The following DNMT1 variants were observed in gnomAD, a reference collection of about 807,000 sequenced individuals.
DNMT1 encodes the protein DNA (cytosine-5)-methyltransferase 1.
A neutral mutation model predicts 205.3 loss-of-function variants in DNMT1; 24 were observed. The observed-to-expected ratio is 0.12, with a 90% CI of 0.08 to 0.16. The LOEUF (loss-of-function observed/expected upper bound fraction) is 0.16. DNMT1 is among the 10% of genes least tolerant of loss of function. The pLI, the probability that DNMT1 is intolerant of heterozygous loss-of-function variation, is 1.00. For missense variants in DNMT1, 1,293 were observed against 2,177.7 expected (o/e 0.59, Z 8.09); for synonymous variants, 817 against 839.8 (o/e 0.97, Z 0.47).
At chr19:10,148,058 G>A (rs2038237125) in intron 27 of DNMT1, among the ~76,000 whole-genome samples, 1 of 146,940 alleles carries the variant, frequency 6.8e-6, no homozygotes. Context: ...AGAGGTTGCG[G>A]TGGGCCAAGA....
At position 10,148,902 on chromosome 19, in the gene DNMT1, G is replaced by C. The variant is rs1262319814; in HGVS notation, c.2702C>G (p.Thr901Arg). Residue 901 changes from threonine (T) to arginine (R), a missense_variant, in exon 27 of 41, where the codon ACA becomes AGA. By Grantham distance (71) the Thr-to-Arg change is moderately conservative. Transcript: ENST00000359526. The stretch of plus-strand genomic sequence containing the variant: ...TGCTCACTTGAACTTGTTGTCCTCT[G>C]TTGGCTGGGTTTTTGGAGGGGACTC... The part of the protein sequence containing the change: ...RFESPPKTQP[T>R]EDNKFKFCVS... 6.2e-7 allele frequency: 1 copy of C among 1,614,192 alleles called. No homozygotes were observed. The highest frequency in any genetic ancestry group is 1.7e-5 in the Admixed American group (1 of 60,018).
intron 1 of DNMT1, among the ~76,000 whole-genome samples, chr19:10,189,418 G>A (rs986103018): frequency 2.7e-5 from 4 of 147,408 alleles, no homozygotes; most frequent in African/African-American, 1.0e-4. Flanking sequence ...ACCACGCCCA[G>A]CTGATTTTTT....
chr19:10,137,445 C>A lies in DNMT1; in HGVS notation c.4294-165G>T. The A allele has an allele frequency of 1.2e-6, 1 of 854,798 alleles. No individual in the cohort carries two copies. The highest frequency in any genetic ancestry group is 1.8e-6 in the Non-Finnish European group (1 of 553,168). 53.0% of individuals were successfully genotyped at this position (854,798 alleles called of 1,614,324 possible). ...TATCGCACTTGGCTCGAGGCCACGG[C>A]AGGGACCTGAGGCAGCGCAGGTGTA... On this transcript the variant is annotated intron_variant, in intron 36 of 40. Transcript: ENST00000359526. This position sits in a 1 kb window ranked among gnomAD's most constrained non-coding sequence, Gnocchi z 6.4.
rs56093633 is a variant in DNMT1 at position 10,168,385 on chromosome 19, A to C, written c.769-21T>G. ...TCTTCCTAAGTTGCAGGGAAAAAAG[A>C]CAAGTTAATTTTTTCCATTTGGTTT... is the stretch of plus-strand genomic sequence containing the variant. On this transcript the variant is annotated intron_variant, in intron 9 of 40. Transcript: ENST00000359526. The C allele has an allele frequency of 7.7e-4, 1,241 of 1,613,764 alleles. 9 individuals are homozygous for C. The African/African-American group carries it at 0.014, about 18-fold the overall frequency.
rs985045812 is a variant in DNMT1, at chr19:10,137,461, C to T, written c.4294-181G>A. The T allele has an allele frequency of 1.3e-5, 10 of 748,488 alleles. No homozygotes were observed. Among genetic ancestry groups the T allele is most frequent in the Middle Eastern group, 3.8e-4 (1 of 2,660 alleles). 46.4% of individuals were successfully genotyped at this position (748,488 alleles called of 1,614,324 possible). On this transcript the variant is annotated intron_variant, in intron 36 of 40. Transcript: ENST00000359526. This position sits in a 1 kb window ranked among gnomAD's most constrained non-coding sequence, Gnocchi z 6.4. ...AGGCCACGGCAGGGACCTGAGGCAG[C>T]GCAGGTGTAGGAGAGCGTGGGAATC... is the stretch of plus-strand genomic sequence containing the variant.
chr19:10,165,890 G>A (rs1352691205), intron 11 of DNMT1, among the ~76,000 whole-genome samples: 1 of 152,192 alleles, frequency 6.6e-6, no homozygotes, highest in Non-Finnish European at 1.5e-5. Flanking sequence ...GCTATGGGGT[G>A]GGGATGGAAG....
At chr19:10,174,997 A>G (rs1452145872) in intron 7 of DNMT1, among the ~76,000 whole-genome samples, 1 of 151,364 alleles carries the variant, frequency 6.6e-6, no homozygotes, top group African/African-American at 2.4e-5. Flanking sequence ...TGAGGTTGCA[A>G]TGAACCAAGA....
chr19:10,160,588 C>T (rs1268442712), intron 13 of DNMT1, among the ~76,000 whole-genome samples, 170 bp from the exon 14 acceptor site: 1 of 152,164 alleles, frequency 6.6e-6, no homozygotes, highest in East Asian at 1.9e-4. Flanking sequence ...CATCTAAAGT[C>T]ATAGAATACA....
At chr19:10,169,924 C>T (rs911225225) in intron 9 of DNMT1, among the ~76,000 whole-genome samples, 4 of 152,064 alleles carry the variant, frequency 2.6e-5, no homozygotes, top group African/African-American at 7.2e-5. Context: ...GAAACAAATT[C>T]GAGGTATGCA....
intron 29 of DNMT1, 124 bp from the exon 30 acceptor site, chr19:10,142,344 G>A (rs536876288): frequency 1.5e-5 from 20 of 1,322,304 alleles, no homozygotes; most frequent in Admixed American, 3.9e-5. Flanking sequence ...TTCGAGAACC[G>A]CAGGGTAAAG....
At chr19:10,177,506 T>C (rs2038958820) in intron 5 of DNMT1, 139 bp from the exon 6 acceptor site, 10 of 826,542 alleles carry the variant, frequency 1.2e-5, no homozygotes, top group Non-Finnish European at 1.9e-5. Context: ...TGCATTTTTA[T>C]TCTAGTCAAC....
In DNMT1 at chr19:10,159,642, A is replaced by G; in HGVS notation, c.1280+16T>C. The stretch of plus-strand genomic sequence containing the variant: ...CTCCTTCCACGAAGCAAACATGCAC[A>G]CGAAAGTGCACTTACCTGAAGCAGG... On this transcript the variant is annotated intron_variant, in intron 17 of 40. Transcript: ENST00000359526. The surrounding 1 kb of genome is among the most constrained non-coding windows in gnomAD (Gnocchi z 5.0). 4 of 1,613,354 alleles carry G rather than the reference A, an allele frequency of 2.5e-6. No individual in the cohort carries two copies. The highest frequency in any genetic ancestry group is 3.4e-6 in the Non-Finnish European group (4 of 1,179,278).
At position 10,142,084 on chromosome 19, in the gene DNMT1, G is replaced by C; in HGVS notation, c.3253C>G (p.Pro1085Ala). 1 of 1,611,250 alleles carries C rather than the reference G, an allele frequency of 6.2e-7. No individual in the cohort carries two copies. Among genetic ancestry groups the C allele is most frequent in the South Asian group, 1.1e-5 (1 of 91,044 alleles). Residue 1085 changes from proline to alanine, a missense_variant, in exon 30 of 41, where the codon CCC becomes GCC. By Grantham distance (27) the Pro-to-Ala change is conservative. This residue lies in a region of DNMT1 where 167 missense variants were observed against 258.1 expected (regional missense o/e 0.65). Coordinates refer to ENST00000359526, the MANE Select transcript of DNMT1 (RefSeq NM_001130823.3). ...ATGGAGTACACCTGGACGCACTCGG[G>C]CAGGTCCTCCCCATACTCCACGGTG... ...RCTVEYGEDL[P>A]ECVQVYSMGG...
rs137949464 is a variant in DNMT1 at position 10,137,310 on chromosome 19, C to G, written c.4294-30G>C. The G allele has an allele frequency of 6.3e-7, 1 of 1,582,324 alleles. No homozygotes were observed. The stretch of plus-strand genomic sequence containing the variant: ...AAGAGTGTGGGGGGCCCAGCTGTCA[C>G]CTCATGTGAGCAGCATCCGAGCATC... On this transcript the variant is annotated intron_variant, in intron 36 of 40. Transcript: ENST00000359526. The surrounding 1 kb of genome is among the most constrained non-coding windows in gnomAD (Gnocchi z 6.4).
At chr19:10,163,302 A>C in intron 12 of DNMT1, 24 bp downstream of exon 12, 2 of 1,613,722 alleles carry the variant, frequency 1.2e-6, no homozygotes, top group Non-Finnish European at 1.7e-6. Context: ...ATGACACAAA[A>C]GCACAAGCAT....
intron 3 of DNMT1, 80 bp downstream of exon 3, chr19:10,180,698 T>A: frequency 6.7e-7 from 1 of 1,501,032 alleles, no homozygotes; most frequent in Non-Finnish European, 9.3e-7. Flanking sequence ...CAGCTGGGGA[T>A]CTTGCTGCCT....
In DNMT1 at chr19:10,194,874, C is replaced by A; in HGVS notation, c.26G>T (p.Arg9Leu). 2 of 1,610,612 alleles carry A rather than the reference C, an allele frequency of 1.2e-6. No homozygotes were observed. Among genetic ancestry groups the A allele is most frequent in the Non-Finnish European group, 1.7e-6 (2 of 1,178,876 alleles). The change falls in exon 1 of 41, where the codon CGG becomes CTG. Residue 9 changes from arginine to leucine, a missense_variant. Physicochemically the swap from Arg to Leu is moderately radical, Grantham distance 102 (BLOSUM62 -2). Coordinates refer to ENST00000359526, the MANE Select transcript of DNMT1 (RefSeq NM_001130823.3). Reference sequence around the variant, plus strand: ...GGCCGGGACGGCCAGTGTGGGCACCCGGGCTGGGGCGGTACGCGCCGGCAT... The same window carrying A: ...GGCCGGGACGGCCAGTGTGGGCACCAGGGCTGGGGCGGTACGCGCCGGCAT... MPARTAPARVPTLAVPAIS... is the reference protein window; with the variant it reads MPARTAPALVPTLAVPAIS...
chr19:10,138,710 C>A lies in DNMT1; in HGVS notation c.3949-105G>T. The A allele has an allele frequency of 2.1e-6, 3 of 1,422,166 alleles. No individual in the cohort carries two copies. The highest frequency in any genetic ancestry group is 2.8e-6 in the Non-Finnish European group (3 of 1,056,372). 88.1% of individuals were successfully genotyped at this position (1,422,166 alleles called of 1,614,324 possible). A position where few individuals can be genotyped will look rare whatever the true frequency, so the allele number is the denominator to read the frequency against. ...GCAGCCTGAGTCGGGAGTGGCTGGC[C>A]AATGCGGAGTGCACTTGCAGAAATC... is the stretch of plus-strand genomic sequence containing the variant. On this transcript the variant is annotated intron_variant, in intron 34 of 40. Coordinates refer to ENST00000359526, the MANE Select transcript of DNMT1 (RefSeq NM_001130823.3). The surrounding 1 kb of genome is among the most constrained non-coding windows in gnomAD (Gnocchi z 4.1).
chr19:10,185,867 C>T (rs1599405312), intron 1 of DNMT1, among the ~76,000 whole-genome samples: 2 of 148,808 alleles, frequency 1.3e-5, no homozygotes, highest in East Asian at 4.0e-4. Context: ...AAAAAAGATG[C>T]TTTGACATCA....
Sources: allele counts gnomAD v4.1 joint callset (sites outside exome capture counted in the v4.1 genomes callset), GRCh38; gene constraint gnomAD v4.1.1; regional missense constraint gnomAD v4.1.1; non-coding constraint Gnocchi (gnomAD v3.1); transcripts MANE v1.5; gene names NCBI Gene and HGNC (gene_info 2026-07-23, HGNC 2026-07-21).